The following CDH15 variants were observed in gnomAD, a reference collection of about 807,000 sequenced individuals.
CDH15 encodes cadherin-15.
A neutral mutation model predicts 69.4 loss-of-function variants in CDH15; 73 were observed. That is an observed-to-expected ratio of 1.05 (90% confidence interval 0.87 to 1.28). The LOEUF (loss-of-function observed/expected upper bound fraction) is 1.28, where lower values mean the gene tolerates loss of function less well. CDH15 is among the 50% of genes most tolerant of loss of function. CDH15 has a pLI of 0.00. For missense variants in CDH15, 1,343 were observed against 1,133.6 expected (o/e 1.18, Z -2.65); for synonymous variants, 624 against 507.7 (o/e 1.23, Z -3.08).
At chr16:89,193,937 A>C in intron 13 of CDH15, 24 bp downstream of exon 13, 2 of 1,610,098 alleles carry the variant, frequency 1.2e-6, no homozygotes, top group Non-Finnish European at 1.7e-6. Context: ...GGGACACCCC[A>C]GTACACACAG....
At position 89,189,297 on chromosome 16, in the gene CDH15, C is replaced by A. The variant is rs550920360; in HGVS notation, c.979-946C>A. On this transcript the variant is annotated intron_variant, in intron 7 of 13. Transcript: ENST00000289746. ...CACAGATGCCGGCACACACAGATGC[C>A]CACACACAGATGCCGGCACACACAC... Among the ~76,000 whole-genome samples, 247 of 128,400 alleles carry A rather than the reference C, an allele frequency of 1.9e-3. 1 individual carries two copies. Among genetic ancestry groups the A allele is most frequent in the Non-Finnish European group, 1.6e-3 (98 of 60,434 alleles). The allele number at this position is 128,400 out of a possible 152,430, so 84.2% of individuals were successfully genotyped here. A position where few individuals can be genotyped will look rare whatever the true frequency, so the allele number is the denominator to read the frequency against.
intron 4 of CDH15, among the ~76,000 whole-genome samples, chr16:89,184,412 T>A (rs1184072898): frequency 6.6e-6 from 1 of 151,830 alleles, no homozygotes; most frequent in African/African-American, 2.4e-5. Flanking sequence ...GCCAGAGGGG[T>A]CAGGCCTAAA....
At chr16:89,176,640 C>T (rs754432455) in intron 1 of CDH15, among the ~76,000 whole-genome samples, 21 of 142,572 alleles carry the variant, frequency 1.5e-4, no homozygotes, top group Middle Eastern at 3.4e-3. Flanking sequence ...TGGGGAGTCC[C>T]GTGAGCCTCC....
intron 1 of CDH15, among the ~76,000 whole-genome samples, chr16:89,176,091 G>A (rs943299388): frequency 6.6e-6 from 1 of 152,238 alleles, no homozygotes; most frequent in Admixed American, 6.5e-5. Context: ...CGGTGGTGGA[G>A]GACAGAGGCC....
intron 13 of CDH15, 44 bp downstream of exon 13, chr16:89,193,957 G>A (rs1915723944): frequency 6.3e-7 from 1 of 1,595,994 alleles, no homozygotes; most frequent in Non-Finnish European, 8.6e-7. Context: ...GGCACGCACA[G>A]GTGCACACAC....
At chr16:89,177,767 C>T (rs1055277693) in intron 1 of CDH15, among the ~76,000 whole-genome samples, 5 of 152,334 alleles carry the variant, frequency 3.3e-5, no homozygotes, top group Admixed American at 3.3e-4. Flanking sequence ...CCGTGCCGAG[C>T]CGAGTGGGGT....
chr16:89,192,162 G>A (rs1268091487), intron 10 of CDH15, 43 bp from the exon 11 acceptor site: 16 of 1,486,992 alleles, frequency 1.1e-5, no homozygotes, highest in African/African-American at 4.2e-5. Context: ...CGAAGTGGGG[G>A]CGGCCTCGGG....
chr16:89,172,835 A>G (rs1231710283), intron 1 of CDH15, among the ~76,000 whole-genome samples: 1 of 152,162 alleles, frequency 6.6e-6, no homozygotes, highest in East Asian at 1.9e-4. Context: ...TCTCTGGCCA[A>G]TTCGAGAGAG....
In CDH15 at chr16:89,180,336, A is replaced by G; in HGVS notation, c.338A>G (p.Glu113Gly). 1 of 1,612,618 alleles carries G rather than the reference A, an allele frequency of 6.2e-7. No individual in the cohort carries two copies. The highest frequency in any genetic ancestry group is 8.5e-7 in the Non-Finnish European group (1 of 1,179,622). ...TTCCTCAATGCCATGCTGGACCGCG[A>G]GAAGACTGATCGCTTCAGGGTGCGG... ...KVFLNAMLDR[E>G]KTDRFRLRAF... The change falls in exon 3 of 14, where the codon GAG (glutamate) becomes GGG (glycine). Residue 113 changes from glutamate to glycine, a missense_variant. Physicochemically the swap from Glu to Gly is moderately conservative, Grantham distance 98. Transcript: ENST00000289746.
chr16:89,184,554 G>A (rs537443601), intron 4 of CDH15, among the ~76,000 whole-genome samples: 15 of 152,354 alleles, frequency 9.8e-5, no homozygotes, highest in East Asian at 7.7e-4. Context: ...CACAGTGCGC[G>A]TCCTCTGCTC....
chr16:89,183,764 T>C, intron 4 of CDH15, 72 bp downstream of exon 4: 12 of 1,466,552 alleles, frequency 8.2e-6, no homozygotes, highest in Non-Finnish European at 1.1e-5. Context: ...GGACTTCCCT[T>C]AAGCAAGAAT....
At chr16:89,172,848 T>A (rs941391480) in intron 1 of CDH15, among the ~76,000 whole-genome samples, 9 of 152,170 alleles carry the variant, frequency 5.9e-5, no homozygotes, top group Admixed American at 1.3e-4. Flanking sequence ...CGAGAGAGAA[T>A]GCACATAAAG....
intron 2 of CDH15, 88 bp from the exon 3 acceptor site, chr16:89,180,112 T>C: frequency 7.0e-7 from 1 of 1,424,964 alleles, no homozygotes; most frequent in Non-Finnish European, 9.7e-7. Flanking sequence ...TGCCCTGCTG[T>C]CAGCTGGGGA....
At chr16:89,176,549 G>A (rs993128329) in intron 1 of CDH15, among the ~76,000 whole-genome samples, 2 of 152,192 alleles carry the variant, frequency 1.3e-5, no homozygotes, top group Admixed American at 6.5e-5. Context: ...CCCTCCGCTC[G>A]CACAATGTGG....
At chr16:89,172,993 C>G (rs896738047) in intron 1 of CDH15, among the ~76,000 whole-genome samples, 1 of 152,166 alleles carries the variant, frequency 6.6e-6, no homozygotes, top group African/African-American at 2.4e-5. Context: ...CTCATTCCCA[C>G]AGGCCTCCCA....
rs1203730062 is a variant in CDH15 at position 89,193,459 on chromosome 16, T to C, written c.1856-11T>C. On this transcript the variant is annotated splice_polypyrimidine_tract_variant and intron_variant, in intron 11 of 13. Coordinates refer to ENST00000289746, the MANE Select transcript of CDH15 (RefSeq NM_004933.3). ...GTGCCTGGCCCCAGCCTGCGTCCCC[T>C]CATTCCCCAGTGCTGGTCCTGCTCG... The C allele has an allele frequency of 6.5e-7, 1 of 1,535,250 alleles. No homozygotes were observed. The highest frequency in any genetic ancestry group is 1.1e-5 in the South Asian group (1 of 89,352).
At chr16:89,191,235 G>A in intron 8 of CDH15, 95 bp from the exon 9 acceptor site, 26 of 1,392,748 alleles carry the variant, frequency 1.9e-5, no homozygotes, top group Non-Finnish European at 2.6e-5. Context: ...GTGTGTGCCT[G>A]TGTGTGTGCA....
chr16:89,188,241 C>T lies in CDH15; in HGVS notation c.934C>T (p.Arg312Cys), dbSNP rs201161996. 2.8e-5 allele frequency: 45 copies of T among 1,613,560 alleles called. No individual in the cohort carries two copies. The highest frequency in any genetic ancestry group is 2.2e-4 in the East Asian group (10 of 44,884). Residue 312 changes from arginine (R) to cysteine (C), a missense_variant, in exon 7 of 14, where the codon CGC becomes TGC. Transcript: ENST00000289746. ...CGACCCCGATGGGCAGTTCACCATC[C>T]GCACGGACCCCAAGACCAACGAGGG... The part of the protein sequence containing the change: ...EGDPDGQFTI[R>C]TDPKTNEGVL...
intron 1 of CDH15, among the ~76,000 whole-genome samples, chr16:89,174,913 C>A (rs1040900378): frequency 6.6e-6 from 1 of 152,168 alleles, no homozygotes; most frequent in Non-Finnish European, 1.5e-5. Context: ...CCGGATGTCC[C>A]GATCTCCCCA....
Sources: gnomAD v4.1 joint callset for allele counts (sites outside exome capture counted in the v4.1 genomes callset) on GRCh38, gnomAD v4.1.1 for gene constraint, MANE v1.5 for transcripts, NCBI Gene and HGNC (gene_info 2026-07-23, HGNC 2026-07-21) for gene names.